RNF38: variants seen among roughly 807,000 people sequenced by gnomAD.
The protein encoded by RNF38 is ring finger protein 38, also known as E3 ubiquitin-protein ligase RNF38.
Under a neutral mutation model 67.2 loss-of-function variants are expected in RNF38, and 15 were observed. That is an observed-to-expected ratio of 0.22 (90% confidence interval 0.15 to 0.34). The LOEUF (loss-of-function observed/expected upper bound fraction) is 0.34. Among genes scored for constraint, RNF38 ranks in the 10% least tolerant of loss-of-function variants. The probability of loss-of-function intolerance (pLI) is 1.00; values close to 1 mark genes in which losing one functional copy is unlikely to be tolerated. For missense variants in RNF38, 524 were observed against 639.9 expected (o/e 0.82, Z 1.95); for synonymous variants, 220 against 218.8 (o/e 1.01, Z -0.05).
chr9:36,401,220 G>A, upstream of RNF38: 1 of 982,682 alleles, frequency 1.0e-6, no homozygotes, highest in Non-Finnish European at 1.2e-6. Context: ...GGGCGGGGCG[G>A]GGCTGCGCGC....
chr9:36,468,980 C>T (rs541787449), intron 1 of RNF38, among the ~76,000 whole-genome samples: 2 of 152,158 alleles, frequency 1.3e-5, no homozygotes, highest in African/African-American at 2.4e-5. Flanking sequence ...GGCATGGTGG[C>T]AGGTGCCTGT....
intron 6 of RNF38, 56 bp from the exon 7 acceptor site, chr9:36,353,387 TTAGA>T: frequency 8.3e-7 from 1 of 1,209,918 alleles, no homozygotes; most frequent in Non-Finnish European, 1.1e-6. Flanking sequence ...CTTCCTGTGT[TTAGA>T]TAGATTATGC....
At chr9:36,485,980 C>T (rs914198291) in intron 1 of RNF38, among the ~76,000 whole-genome samples, 1 of 152,160 alleles carries the variant, frequency 6.6e-6, no homozygotes, top group Non-Finnish European at 1.5e-5. Flanking sequence ...TCACACTCAA[C>T]CTTGTAAGCT....
chr9:36,421,378 T>C lies in RNF38; in HGVS notation n.312+3235A>G, dbSNP rs555841500. Among the ~76,000 whole-genome samples the C allele has an allele frequency of 9.2e-5, 14 of 152,204 alleles. No individual in the cohort carries two copies. The East Asian group carries it at 1.2e-3, about 13-fold the overall frequency. On this transcript the variant is annotated intron_variant and non_coding_transcript_variant, in intron 2 of 3. Coordinates refer to the RNF38 transcript ENST00000488058. ...CAAGTTTATTTTTTTTTAAAGCAGG[T>C]TGGGGCCAGGCATGGTGGCTCACGC...
At chr9:36,376,432 T>C (rs1265293142) in intron 2 of RNF38, among the ~76,000 whole-genome samples, 1 of 151,920 alleles carries the variant, frequency 6.6e-6, no homozygotes, top group African/African-American at 2.4e-5. Context: ...TTTCGTGTAG[T>C]ACTCGACCTT....
chr9:36,340,167 C>T (rs546361802), intron 11 of RNF38, among the ~76,000 whole-genome samples: 4 of 152,164 alleles, frequency 2.6e-5, no homozygotes, highest in African/African-American at 4.8e-5. Context: ...TTAGTAGAGA[C>T]GGGGTTTCAC....
At chr9:36,428,609 T>A (rs1030484178) in intron 1 of RNF38, among the ~76,000 whole-genome samples, 2 of 152,152 alleles carry the variant, frequency 1.3e-5, no homozygotes, top group African/African-American at 2.4e-5. Context: ...TTAAAAAGTT[T>A]ACTTAATACA....
chr9:36,469,704 G>A (rs1324631219), intron 1 of RNF38, among the ~76,000 whole-genome samples: 3 of 150,914 alleles, frequency 2.0e-5, no homozygotes, highest in Admixed American at 6.6e-5. Flanking sequence ...AGCCTGGTGC[G>A]GTGGCTCACA....
At chr9:36,387,353 G>A (rs1370146886) in intron 2 of RNF38, among the ~76,000 whole-genome samples, 1 of 152,178 alleles carries the variant, frequency 6.6e-6, no homozygotes, top group East Asian at 1.9e-4. Context: ...TAACATAGCA[G>A]TCATTAAGAT....
chr9:36,363,767 T>C lies in RNF38; in HGVS notation c.571-5825A>G, dbSNP rs1177400367. On this transcript the variant is annotated intron_variant, in intron 4 of 11. Coordinates refer to ENST00000259605, the MANE Select transcript of RNF38 (RefSeq NM_022781.5). ...CCCTAGGCTACAAACCTGTATAGCATGTTGCTGTTGCTATACGAAACCCTG... is the reference window on the plus strand; with the variant it reads ...CCCTAGGCTACAAACCTGTATAGCACGTTGCTGTTGCTATACGAAACCCTG... Among the ~76,000 whole-genome samples the C allele has an allele frequency of 2.0e-5, 2 of 100,054 alleles. 1 individual carries two copies. The highest frequency in any genetic ancestry group is 5.2e-5 in the Non-Finnish European group (2 of 38,656). The allele number at this position is 100,054 out of a possible 152,430, so 65.6% of individuals were successfully genotyped here.
rs1002108472 is a variant in RNF38, at chr9:36,375,982, T to A, written c.308A>T (p.His103Leu). The change falls in exon 3 of 12, where the codon CAT becomes CTT. Residue 103 changes from histidine (H) to leucine (L), a missense_variant. Transcript: ENST00000259605. Reference protein sequence around the residue: ...RQPPSVRPSQHHFSGERCNTP... With the variant: ...RQPPSVRPSQLHFSGERCNTP... The stretch of plus-strand genomic sequence containing the variant: ...GTTGCATCGTTCCCCTGAGAAGTGA[T>A]GTTGGCTTGGTCGAACTGAAGGGGG... 1 of 1,613,218 alleles carries A rather than the reference T, an allele frequency of 6.2e-7. No homozygotes were observed. The highest frequency in any genetic ancestry group is 1.3e-5 in the African/African-American group (1 of 74,908).
chr9:36,423,906 G>A (rs1367979166), intron 2 of RNF38, among the ~76,000 whole-genome samples: 2 of 22,014 alleles, frequency 9.1e-5, no homozygotes, highest in African/African-American at 3.0e-4. Flanking sequence ...CCGAGATTGC[G>A]CCACTGCACT....
intron 1 of RNF38, among the ~76,000 whole-genome samples, chr9:36,457,580 G>A (rs1451811324): frequency 6.6e-6 from 1 of 152,110 alleles, no homozygotes; most frequent in East Asian, 1.9e-4. Flanking sequence ...TAATCTTTAA[G>A]GCATAGGTTC....
intron 1 of RNF38, among the ~76,000 whole-genome samples, chr9:36,476,302 G>A (rs551817859): frequency 6.6e-6 from 1 of 151,950 alleles, no homozygotes; most frequent in African/African-American, 2.4e-5. Flanking sequence ...TATTTTAGTA[G>A]AGACGGGGTT....
intron 4 of RNF38, among the ~76,000 whole-genome samples, chr9:36,368,746 T>C (rs979798653): frequency 1.3e-5 from 2 of 152,134 alleles, no homozygotes; most frequent in Non-Finnish European, 2.9e-5. Context: ...TATTGTTTAT[T>C]ATCTAGTGCA....
chr9:36,476,859 C>G (rs1392562328), intron 1 of RNF38, among the ~76,000 whole-genome samples: 2 of 152,104 alleles, frequency 1.3e-5, no homozygotes, highest in Non-Finnish European at 2.9e-5. Context: ...AAAGGTCTAA[C>G]TCCTAACTTG....
intron 2 of RNF38, among the ~76,000 whole-genome samples, chr9:36,416,187 AGGGAGG>A (rs899270531): frequency 4.0e-4 from 2 of 5,052 alleles, no homozygotes; most frequent in Non-Finnish European, 7.9e-4. Context: ...CACAGGGCGG[AGGGAGG>A]GGGAGGGGGT....
chr9:36,372,618 AG>A (rs2133815206), intron 3 of RNF38: 1 of 690,554 alleles, frequency 1.4e-6, no homozygotes, highest in East Asian at 2.7e-5. Context: ...AAACAAGAAC[AG>A]AATACAGAGT....
intron 9 of RNF38, among the ~76,000 whole-genome samples, chr9:36,346,497 T>C (rs901503380): frequency 6.6e-6 from 1 of 152,114 alleles, no homozygotes; most frequent in Non-Finnish European, 1.5e-5. Context: ...AGCCAATTAT[T>C]ATGCTTATTG....
Sources: allele counts gnomAD v4.1 joint callset (sites outside exome capture counted in the v4.1 genomes callset), GRCh38; gene constraint gnomAD v4.1.1; transcripts MANE v1.5; gene names NCBI Gene and HGNC (gene_info 2026-07-23, HGNC 2026-07-21).